DGKB: variants seen among roughly 807,000 people sequenced by gnomAD.
DGKB encodes the protein 90 kDa diacylglycerol kinase.
Under a neutral mutation model 114.3 loss-of-function variants are expected in DGKB, and 67 were observed. That is an observed-to-expected ratio of 0.59 (90% CI 0.48 to 0.72). The LOEUF (loss-of-function observed/expected upper bound fraction) is 0.72, where lower values mean the gene tolerates loss of function less well. Among genes scored for constraint, DGKB ranks in the 30% least tolerant of loss-of-function variants. The pLI is 0.00. For missense variants in DGKB, 907 were observed against 975.2 expected, an observed-to-expected ratio of 0.93 and a Z score of 0.93; for synonymous variants, 398 against 323.1, an observed-to-expected ratio of 1.23 and a Z score of -2.49.
intron 1 of DGKB, among the ~76,000 whole-genome samples, chr7:14,865,755 A>G (rs1851617048): frequency 6.6e-6 from 1 of 152,170 alleles, no homozygotes; most frequent in Non-Finnish European, 1.5e-5. Flanking sequence ...CATCATGTGC[A>G]TAGGAGAGAT....
chr7:14,297,788 T>A (rs967905418), intron 23 of DGKB, among the ~76,000 whole-genome samples: 3 of 152,200 alleles, frequency 2.0e-5, no homozygotes, highest in African/African-American at 7.2e-5. Flanking sequence ...GACGACATGA[T>A]TGTTTATTTA....
At chr7:14,867,246 T>G (rs1228466213) in intron 1 of DGKB, among the ~76,000 whole-genome samples, 2 of 152,190 alleles carry the variant, frequency 1.3e-5, no homozygotes, top group Non-Finnish European at 2.9e-5. Flanking sequence ...ATTCAGTTTA[T>G]CAATTTTTTT....
Position 14,774,408 on chromosome 7 carries a change from G to A in DGKB, c.71-16677C>T, listed in dbSNP as rs373894066. On this transcript the variant is annotated intron_variant, in intron 2 of 25. Transcript: ENST00000402815. ...GTTCCACTTGAAATCTGAAGTTACG[G>A]AAAAGCCAAATAGAGGCTGTATGAA... Among the ~76,000 whole-genome samples, 6 of 152,152 alleles carry A rather than the reference G, an allele frequency of 3.9e-5. No homozygotes were observed. In the East Asian group the frequency reaches 9.6e-4, roughly 24 times the overall value.
At chr7:14,802,937 C>T (rs1842360143) in intron 2 of DGKB, among the ~76,000 whole-genome samples, 1 of 151,090 alleles carries the variant, frequency 6.6e-6, no homozygotes, top group African/African-American at 2.4e-5. Context: ...ACTTATCTCA[C>T]TCATACAATT....
At chr7:14,571,214 T>C (rs765985981) in intron 20 of DGKB, among the ~76,000 whole-genome samples, 23 of 152,188 alleles carry the variant, frequency 1.5e-4, no homozygotes, top group Non-Finnish European at 3.1e-4. Flanking sequence ...CTCTAATTAG[T>C]GATATTTCAG....
chr7:14,639,018 A>G (rs1414144787), intron 13 of DGKB, among the ~76,000 whole-genome samples: 1 of 152,108 alleles, frequency 6.6e-6, no homozygotes, highest in Admixed American at 6.5e-5. Flanking sequence ...AGCCTGGGCA[A>G]CAAGAGTGAA....
At chr7:14,908,263 A>G (rs1294113112), upstream of DGKB, among the ~76,000 whole-genome samples, 1 of 152,170 alleles carries the variant, frequency 6.6e-6, no homozygotes, top group Non-Finnish European at 1.5e-5. Flanking sequence ...TAGTTCTTCT[A>G]TACCCACTCT....
chr7:14,747,787 A>ACACACACACT (rs1564090330), intron 4 of DGKB, among the ~76,000 whole-genome samples: 58 of 141,390 alleles, frequency 4.1e-4, no homozygotes, highest in African/African-American at 1.6e-3. Context: ...ACGCACACAC[A>ACACACACACT]CACACACACA....
intron 21 of DGKB, among the ~76,000 whole-genome samples, chr7:14,373,290 A>G (rs1817972207): frequency 6.6e-6 from 1 of 152,188 alleles, no homozygotes; most frequent in Admixed American, 6.5e-5. Context: ...ACATGTTTAA[A>G]ACATTCACTA....
intron 23 of DGKB, among the ~76,000 whole-genome samples, chr7:14,237,578 A>T (rs1792995817): frequency 6.6e-6 from 1 of 151,962 alleles, no homozygotes; most frequent in South Asian, 2.1e-4. Flanking sequence ...TACTCAAGGT[A>T]ATTTTAAAAA....
intron 17 of DGKB, among the ~76,000 whole-genome samples, chr7:14,598,145 A>G (rs1252149152): frequency 6.6e-6 from 1 of 152,188 alleles, no homozygotes; most frequent in African/African-American, 2.4e-5. Flanking sequence ...TGAACTTCCA[A>G]AAAACTTTAT....
chr7:14,782,634 A>C (rs1839292701), intron 2 of DGKB, among the ~76,000 whole-genome samples: 1 of 152,150 alleles, frequency 6.6e-6, no homozygotes, highest in Non-Finnish European at 1.5e-5. Flanking sequence ...TGTAATAGAG[A>C]ATTACAGGTG....
chr7:14,506,285 A>G (rs1396573697), intron 20 of DGKB, among the ~76,000 whole-genome samples: 1 of 152,226 alleles, frequency 6.6e-6, no homozygotes, highest in East Asian at 1.9e-4. Context: ...GAGCAAGCTT[A>G]GTGCAAGTCC....
intron 14 of DGKB, 115 bp downstream of exon 14, chr7:14,630,121 T>G (rs1809416090): frequency 1.7e-6 from 1 of 575,654 alleles, no homozygotes; most frequent in Non-Finnish European, 2.9e-6. Context: ...AAAAATAAAA[T>G]ATAACATGCT....
intron 23 of DGKB, among the ~76,000 whole-genome samples, chr7:14,213,683 C>A (rs1788501527): frequency 6.6e-6 from 1 of 152,034 alleles, no homozygotes. Flanking sequence ...GGAACTAGTG[C>A]AAAAATGCTG....
intron 23 of DGKB, among the ~76,000 whole-genome samples, chr7:14,230,478 G>C (rs560295874): frequency 7.3e-5 from 11 of 151,204 alleles, no homozygotes; most frequent in Admixed American, 6.0e-4. Flanking sequence ...TATTATGTGA[G>C]GTAAACTGTA....
chr7:14,929,578 C>T (rs1001188682), intron 1 of DGKB, among the ~76,000 whole-genome samples: 1 of 151,676 alleles, frequency 6.6e-6, no homozygotes, highest in Non-Finnish European at 1.5e-5. Flanking sequence ...TTATTTGTTT[C>T]GTTGTTGTTG....
rs532179604 is a variant in DGKB at position 14,597,029 on chromosome 7, T to A, written c.1433+10405A>T. 7.9e-5 allele frequency among the ~76,000 whole-genome samples: 12 copies of A among 152,312 alleles called. 1 individual carries two copies. Among genetic ancestry groups the A allele is most frequent in the East Asian group, 7.7e-4 (4 of 5,180 alleles). On this transcript the variant is annotated intron_variant, in intron 17 of 25. Coordinates refer to ENST00000402815, the MANE Select transcript of DGKB (RefSeq NM_001350709.2). ...AAGATTCATTGCCTTCAAGAGCATC[T>A]GCTTCTGGGCACACATCTTACTATA...
At chr7:14,577,485 C>T (rs542212659) in intron 19 of DGKB, among the ~76,000 whole-genome samples, 87 of 152,114 alleles carry the variant, frequency 5.7e-4, no homozygotes, top group Middle Eastern at 3.4e-3. Context: ...GGCAAGGTGG[C>T]GGGCGCCCGT....
Sources: allele counts gnomAD v4.1 joint callset (sites outside exome capture counted in the v4.1 genomes callset), GRCh38; gene constraint gnomAD v4.1.1; transcripts MANE v1.5; gene names NCBI Gene and HGNC (gene_info 2026-07-23, HGNC 2026-07-21).